LRP1B: variants seen among roughly 807,000 people sequenced by gnomAD.
LRP1B encodes the protein low-density lipoprotein receptor-related protein 1B.
In LRP1B, 217 loss-of-function variants were observed where a neutral mutation model predicts 556.6. The observed-to-expected ratio is 0.39, with a 90% CI of 0.35 to 0.44. The LOEUF (loss-of-function observed/expected upper bound fraction) is 0.44. LRP1B is among the 20% of genes least tolerant of loss of function. The pLI is 1.00. For synonymous variants in LRP1B, 2,047 were observed against 1,865.8 expected (o/e 1.10, Z -2.50); for missense variants, 5,053 against 5,620.8 (o/e 0.90, Z 3.23).
intron 3 of LRP1B, among the ~76,000 whole-genome samples, chr2:141,321,806 T>A (rs116148098): frequency 0.017 from 2,650 of 152,248 alleles, 40 homozygotes; most frequent in Non-Finnish European, 0.027. Context: ...AAATTTGTAG[T>A]TTACAAAACA....
At chr2:141,053,984 CAT>C (rs1238101045) in intron 10 of LRP1B, among the ~76,000 whole-genome samples, 2 of 151,948 alleles carry the variant, frequency 1.3e-5, no homozygotes, top group Non-Finnish European at 2.9e-5. Context: ...GGCCTAGAAA[CAT>C]GAGACCTGTT....
chr2:141,320,090 A>C (rs529130141), intron 3 of LRP1B, among the ~76,000 whole-genome samples: 1 of 152,212 alleles, frequency 6.6e-6, no homozygotes, highest in Admixed American at 6.5e-5. Context: ...TTTCTAGACT[A>C]TGGAACACAC....
At chr2:141,740,918 A>AC (rs1288197388) in intron 2 of LRP1B, among the ~76,000 whole-genome samples, 1 of 151,858 alleles carries the variant, frequency 6.6e-6, no homozygotes, top group Admixed American at 6.6e-5. Context: ...CCCCCAACCC[A>AC]CTACTCTCTC....
intron 1 of LRP1B, among the ~76,000 whole-genome samples, chr2:142,030,591 C>T: frequency 6.6e-6 from 1 of 151,758 alleles, no homozygotes; most frequent in East Asian, 1.9e-4. Flanking sequence ...TAAGCTTTAC[C>T]TGAATTACTG....
At chr2:141,640,506 G>C (rs548213810) in intron 2 of LRP1B, among the ~76,000 whole-genome samples, 2 of 152,028 alleles carry the variant, frequency 1.3e-5, no homozygotes, top group South Asian at 2.1e-4. Flanking sequence ...TCAGAAAGAG[G>C]CTGGGCACGG....
intron 2 of LRP1B, among the ~76,000 whole-genome samples, chr2:141,631,558 A>AG (rs779345691): frequency 1.4e-5 from 2 of 145,162 alleles, no homozygotes; most frequent in South Asian, 2.2e-4. Flanking sequence ...AAAAAAAAAA[A>AG]GGGGAAATTC....
intron 2 of LRP1B, among the ~76,000 whole-genome samples, chr2:141,545,327 G>C (rs912871606): frequency 2.0e-5 from 3 of 152,112 alleles, no homozygotes; most frequent in Admixed American, 1.3e-4. Context: ...TTTCTATTAT[G>C]TTTTATTAGG....
intron 52 of LRP1B, 97 bp downstream of exon 52, chr2:140,509,830 AG>A: frequency 6.7e-7 from 1 of 1,496,598 alleles, no homozygotes; most frequent in East Asian, 2.3e-5. Context: ...GAACTAGGAA[AG>A]CAATGGGAAA....
chr2:141,888,912 A>G (rs1699202593), intron 1 of LRP1B, among the ~76,000 whole-genome samples: 1 of 152,148 alleles, frequency 6.6e-6, no homozygotes, highest in Non-Finnish European at 1.5e-5. Flanking sequence ...CCAGCCAGGG[A>G]TATTTTCTTC....
intron 5 of LRP1B, among the ~76,000 whole-genome samples, chr2:141,230,232 A>G (rs1346642550): frequency 6.6e-6 from 1 of 150,754 alleles, no homozygotes; most frequent in African/African-American, 2.5e-5. Flanking sequence ...TCTGCTAATT[A>G]AGAAATAGGA....
chr2:142,007,487 A>G (rs1702837287), intron 1 of LRP1B, among the ~76,000 whole-genome samples: 1 of 152,204 alleles, frequency 6.6e-6, no homozygotes, highest in Middle Eastern at 3.2e-3. Context: ...TTTCCAAGCA[A>G]AAGTGGACTC....
chr2:140,432,937 C>G lies in LRP1B; in HGVS notation c.10414+9567G>C, dbSNP rs148722385. ...GATTAAAATAGAAACAGATTCTACA[C>G]TTGATTTAAAACTTTTAATCTAATA... is the stretch of plus-strand genomic sequence containing the variant. On this transcript the variant is annotated intron_variant, in intron 66 of 90. Transcript: ENST00000389484. 2.0e-3 allele frequency among the ~76,000 whole-genome samples: 300 copies of G among 152,220 alleles called. 2 individuals carry two copies. The highest frequency in any genetic ancestry group is 4.1e-3 in the Admixed American group (62 of 15,278).
intron 41 of LRP1B, among the ~76,000 whole-genome samples, chr2:140,695,621 A>G (rs1237358521): frequency 6.6e-6 from 1 of 152,126 alleles, no homozygotes; most frequent in Non-Finnish European, 1.5e-5. Flanking sequence ...GCTATCTCTA[A>G]TTTTCATTTT....
At chr2:141,176,428 T>C (rs2105158920) in intron 7 of LRP1B, among the ~76,000 whole-genome samples, 1 of 152,088 alleles carries the variant, frequency 6.6e-6, no homozygotes, top group East Asian at 2.0e-4. Context: ...GATCTAATGG[T>C]TTAAAAGTGT....
intron 41 of LRP1B, among the ~76,000 whole-genome samples, chr2:140,682,527 T>C (rs1322634830): frequency 6.6e-6 from 1 of 152,166 alleles, no homozygotes; most frequent in East Asian, 1.9e-4. Flanking sequence ...GGTATACTGA[T>C]GAGCAAGGCA....
intron 6 of LRP1B, among the ~76,000 whole-genome samples, chr2:141,191,228 T>C (rs1187756890): frequency 1.3e-5 from 2 of 151,994 alleles, no homozygotes; most frequent in Non-Finnish European, 2.9e-5. Flanking sequence ...ACATAAAATT[T>C]ATATTAAATA....
chr2:140,618,531 G>T (rs752898494), intron 41 of LRP1B, among the ~76,000 whole-genome samples: 2 of 152,176 alleles, frequency 1.3e-5, no homozygotes, highest in South Asian at 2.1e-4. Flanking sequence ...TAGAAACAAA[G>T]ATATGCCTTC....
At chr2:141,067,041 A>G (rs1461081586) in intron 7 of LRP1B, among the ~76,000 whole-genome samples, 1 of 151,970 alleles carries the variant, frequency 6.6e-6, no homozygotes, top group African/African-American at 2.4e-5. Context: ...TGCATTAGGA[A>G]CTTTATTTTT....
chr2:141,245,443 G>A (rs937409572), intron 5 of LRP1B, among the ~76,000 whole-genome samples: 2 of 152,110 alleles, frequency 1.3e-5, no homozygotes, highest in East Asian at 1.9e-4. Flanking sequence ...TTTGCCCAGT[G>A]TGGTTTCAGA....
Sources: allele counts gnomAD v4.1 joint callset (sites outside exome capture counted in the v4.1 genomes callset), GRCh38; gene constraint gnomAD v4.1.1; transcripts MANE v1.5; gene names NCBI Gene and HGNC (gene_info 2026-07-23, HGNC 2026-07-21).